The following GDF10 variants were observed in gnomAD, a reference collection of about 807,000 sequenced individuals.
GDF10 encodes growth differentiation factor 10.
A neutral mutation model predicts 32.1 loss-of-function variants in GDF10; 23 were observed. The observed-to-expected ratio is 0.72, with a 90% CI of 0.52 to 1.02. The LOEUF (loss-of-function observed/expected upper bound fraction) is 1.02, where lower values mean the gene tolerates loss of function less well. Ranked by LOEUF, GDF10 falls within the 50% of genes least tolerant of loss-of-function variation. The probability of loss-of-function intolerance (pLI) is 0.00; values close to 1 mark genes in which losing one functional copy is unlikely to be tolerated. For missense variants in GDF10, 764 were observed against 673.9 expected (o/e 1.13, Z -1.48); for synonymous variants, 328 against 303.1 (o/e 1.08, Z -0.85).
At chr10:47,311,570 G>A (rs1555207784) in intron 2 of GDF10, among the ~76,000 whole-genome samples, 1 of 152,272 alleles carries the variant, frequency 6.6e-6, no homozygotes, top group Non-Finnish European at 1.5e-5. Flanking sequence ...GCAGTAACGT[G>A]TTTGGGAATT....
intron 1 of GDF10, among the ~76,000 whole-genome samples, chr10:47,304,312 A>G (rs1404039991): frequency 2.0e-5 from 3 of 152,102 alleles, no homozygotes; most frequent in Non-Finnish European, 4.4e-5. Context: ...ATGGGGCAAT[A>G]TACAACGTGC....
chr10:47,304,416 G>A (rs1161850501), intron 1 of GDF10, among the ~76,000 whole-genome samples: 1 of 151,962 alleles, frequency 6.6e-6, no homozygotes, highest in Non-Finnish European at 1.5e-5. Context: ...AGGAAGAGGA[G>A]AGACTGCAGG....
intron 1 of GDF10, among the ~76,000 whole-genome samples, chr10:47,305,300 C>G (rs1472796886): frequency 6.6e-6 from 1 of 152,172 alleles, no homozygotes; most frequent in Non-Finnish European, 1.5e-5. Flanking sequence ...CTCTGCAGAG[C>G]TGATCTCACA....
Position 47,313,093 on chromosome 10 carries a change from CTTGAT to C in GDF10, c.*302_*306del. The C allele has an allele frequency of 4.1e-6, 1 of 245,878 alleles. No homozygotes were observed. Among genetic ancestry groups the C allele is most frequent in the Non-Finnish European group, 7.7e-6 (1 of 129,268 alleles). 15.2% of individuals were successfully genotyped at this position (245,878 alleles called of 1,614,324 possible). A position where few individuals can be genotyped will look rare whatever the true frequency, so the allele number is the denominator to read the frequency against. The stretch of plus-strand genomic sequence containing the variant: ...AAACAAAACATATCCACAACATTGG[CTTGAT>C]GTGATCATCATCTCATAACTGAGCA... On this transcript the variant is annotated 3_prime_UTR_variant, in exon 3 of 3. Transcript: ENST00000580279.
chr10:47,302,239 G>T (rs927335599), intron 1 of GDF10, among the ~76,000 whole-genome samples: 2 of 152,214 alleles, frequency 1.3e-5, no homozygotes, highest in East Asian at 3.8e-4. Flanking sequence ...TCGATAAAAT[G>T]GGCAAGGCTT....
intron 1 of GDF10, 115 bp downstream of exon 1, chr10:47,301,085 A>G (rs2061003226): frequency 2.9e-6 from 2 of 688,152 alleles, no homozygotes; most frequent in Non-Finnish European, 4.5e-6. Flanking sequence ...TGAGTGGTTC[A>G]TTCATTCTTT....
In GDF10 at chr10:47,300,366, C is replaced by G. The variant is rs975942079; in HGVS notation, c.-286C>G. On this transcript the variant is annotated 5_prime_UTR_variant, in exon 1 of 3. Coordinates refer to ENST00000580279, the MANE Select transcript of GDF10 (RefSeq NM_004962.5). ...CAGTGGGCTACAAACTTTCGCGGCG[C>G]GAGTCCGCCAAGGCAGCGCGCCGAC... The G allele has an allele frequency of 8.8e-6, 3 of 339,684 alleles. No individual in the cohort carries two copies. The highest frequency in any genetic ancestry group is 1.6e-5 in the Non-Finnish European group (3 of 189,226). The allele number at this position is 339,684 out of a possible 1,614,324, so 21.0% of individuals were successfully genotyped here. A position where few individuals can be genotyped will look rare whatever the true frequency, so the allele number is the denominator to read the frequency against.
Position 47,310,436 on chromosome 10 carries a change from G to C in GDF10, c.960G>C (p.Lys320Asn). 4.3e-6 allele frequency: 7 copies of C among 1,613,214 alleles called. No homozygotes were observed. Among genetic ancestry groups the C allele is most frequent in the Non-Finnish European group, 5.9e-6 (7 of 1,179,788 alleles). The change falls in exon 2 of 3, where the codon AAG becomes AAC. Residue 320 changes from lysine to asparagine, a missense_variant. Physicochemically the swap from Lys to Asn is moderately conservative, Grantham distance 94 (BLOSUM62 0). Coordinates refer to ENST00000580279, the MANE Select transcript of GDF10 (RefSeq NM_004962.5). ...GCGCCCACGCACAGCACTTCCACAA[G>C]CACCAGCTGTGGCCCAGCCCCTTCC... ...PPRAHAQHFHKHQLWPSPFRA... is the reference protein window; with the variant it reads ...PPRAHAQHFHNHQLWPSPFRA...
At chr10:47,302,764 C>A (rs1022110103) in intron 1 of GDF10, among the ~76,000 whole-genome samples, 1 of 152,246 alleles carries the variant, frequency 6.6e-6, no homozygotes, top group Non-Finnish European at 1.5e-5. Flanking sequence ...ACCCTGTCAT[C>A]TCCCTCAGAG....
At chr10:47,303,257 G>A (rs1379109387) in intron 1 of GDF10, among the ~76,000 whole-genome samples, 1 of 152,170 alleles carries the variant, frequency 6.6e-6, no homozygotes, top group African/African-American at 2.4e-5. Flanking sequence ...CCAGTGGTGG[G>A]TTTCTGCTGC....
At position 47,309,783 on chromosome 10, in the gene GDF10, C is replaced by T; in HGVS notation, c.320-13C>T. The T allele has an allele frequency of 6.3e-7, 1 of 1,584,690 alleles. No individual in the cohort carries two copies. Among genetic ancestry groups the T allele is most frequent in the Non-Finnish European group, 8.6e-7 (1 of 1,157,078 alleles). ...GAGAACTTCACAGCCTGTGGTCTCT[C>T]CTTCCCTCACAGAAGTGGTCGACCA... On this transcript the variant is annotated splice_polypyrimidine_tract_variant and intron_variant, in intron 1 of 2. Transcript: ENST00000580279.
In GDF10 at chr10:47,310,720, AGG is replaced by A. The variant is rs2061043254; in HGVS notation, c.1245_1245+1del. 2 of 1,605,032 alleles carry A rather than the reference AGG, an allele frequency of 1.2e-6. No individual in the cohort carries two copies. The highest frequency in any genetic ancestry group is 2.7e-5 in the African/African-American group (2 of 74,706). On this transcript the variant is annotated splice_donor_variant and coding_sequence_variant, in exon 2 of 3. Transcript: ENST00000580279. LOFTEE classifies it high-confidence loss of function. ...GGAGCATGTGAGTTCCCCATGCCTA[AGG>A]TAGGGTTTCTTCCGCCTTTTGCCAA...
chr10:47,305,699 G>A (rs1385687845), intron 1 of GDF10, among the ~76,000 whole-genome samples: 1 of 152,158 alleles, frequency 6.6e-6, no homozygotes, highest in Non-Finnish European at 1.5e-5. Flanking sequence ...ACCAGCAGTG[G>A]GGCTGGACAG....
chr10:47,311,706 C>T (rs2061046828), intron 2 of GDF10, among the ~76,000 whole-genome samples: 1 of 152,192 alleles, frequency 6.6e-6, no homozygotes, highest in South Asian at 2.1e-4. Flanking sequence ...AAGCCCGGAA[C>T]CCTGAAGGCT....
chr10:47,311,801 G>A (rs1239646467), intron 2 of GDF10, among the ~76,000 whole-genome samples: 2 of 152,318 alleles, frequency 1.3e-5, no homozygotes, highest in East Asian at 1.9e-4. Flanking sequence ...ACGCTGCAAA[G>A]GCAGGTGTCC....
chr10:47,300,773 C>G lies in GDF10; in HGVS notation c.122C>G (p.Ser41Cys), dbSNP rs45476393. 5.7e-6 allele frequency: 9 copies of G among 1,568,720 alleles called. No individual in the cohort carries two copies. The highest frequency in any genetic ancestry group is 7.7e-6 in the Non-Finnish European group (9 of 1,162,012). The change falls in exon 1 of 3, where the codon TCC becomes TGC. Residue 41 changes from serine (S) to cysteine (C), a missense_variant. By Grantham distance (112) the Ser-to-Cys change is moderately radical. Transcript: ENST00000580279. ...GGCAGCCACAGGGCCCCCGCCTGGT[C>G]CGCACTGCCCGCGGCCGCCGACGGC... ...VAGSHRAPAW[S>C]ALPAAADGLQ... is the part of the protein sequence containing the mutation.
Position 47,300,597 on chromosome 10 carries a change from C to A in GDF10, c.-55C>A. 17 of 1,490,656 alleles carry A rather than the reference C, an allele frequency of 1.1e-5. No individual in the cohort carries two copies. The highest frequency in any genetic ancestry group is 1.3e-5 in the Non-Finnish European group (15 of 1,112,550). The allele number at this position is 1,490,656 out of a possible 1,614,324, so 92.3% of individuals were successfully genotyped here. On this transcript the variant is annotated 5_prime_UTR_variant, in exon 1 of 3. Transcript: ENST00000580279. ...AGGTCAGTCCGCAGCCTCCGGTGCG[C>A]CAGCGCTCGCCTTCCTCCTCCTGGA...
intron 1 of GDF10, among the ~76,000 whole-genome samples, chr10:47,305,044 G>T (rs1448929735): frequency 6.6e-6 from 1 of 152,256 alleles, no homozygotes; most frequent in Non-Finnish European, 1.5e-5. Flanking sequence ...GAAAGATGCT[G>T]TGTTCAGGAT....
chr10:47,304,057 G>A (rs2132221224), intron 1 of GDF10, among the ~76,000 whole-genome samples: 1 of 152,338 alleles, frequency 6.6e-6, no homozygotes, highest in East Asian at 1.9e-4. Flanking sequence ...TGACCTGGCA[G>A]GGGCAGAGCC....
Sources: allele counts gnomAD v4.1 joint callset (sites outside exome capture counted in the v4.1 genomes callset), GRCh38; gene constraint gnomAD v4.1.1; transcripts MANE v1.5; gene names NCBI Gene and HGNC (gene_info 2026-07-23, HGNC 2026-07-21).